PDE4A: variants seen among roughly 807,000 people sequenced by gnomAD.
PDE4A encodes phosphodiesterase 4A, also known as 3',5'-cyclic-AMP phosphodiesterase 4A.
In PDE4A, 21 loss-of-function variants were observed where a neutral mutation model predicts 73.9. That is an observed-to-expected ratio of 0.28 (90% CI 0.20 to 0.41). The LOEUF is 0.41. PDE4A is among the 10% of genes least tolerant of loss of function. PDE4A has a pLI of 1.00. For synonymous variants in PDE4A, 463 were observed against 505.4 expected, an observed-to-expected ratio of 0.92 and a Z score of 1.13; for missense variants, 958 against 1,211.4, an observed-to-expected ratio of 0.79 and a Z score of 3.10.
At chr19:10,428,375 AGAGAGAGAGAGAGAGAGATATT>A (rs1208085477) in intron 1 of PDE4A, among the ~76,000 whole-genome samples, 6 of 151,116 alleles carry the variant, frequency 4.0e-5, no homozygotes, top group Non-Finnish European at 8.8e-5. Context: ...AGAGAGAGAG[AGAGAGAGAGAGAGAGAGATATT>A]GAGAGAGAGA....
intron 1 of PDE4A, among the ~76,000 whole-genome samples, chr19:10,423,847 G>C (rs2042681571): frequency 6.6e-6 from 1 of 152,256 alleles, no homozygotes; most frequent in South Asian, 2.1e-4. Flanking sequence ...TCTGTGCTGA[G>C]GTCCAAAGCT....
At chr19:10,462,569 G>A (rs1397552448) in intron 13 of PDE4A, among the ~76,000 whole-genome samples, 1 of 152,176 alleles carries the variant, frequency 6.6e-6, no homozygotes, top group Admixed American at 6.5e-5. Flanking sequence ...TTATCCTCCT[G>A]TCTTGGCCTG....
intron 1 of PDE4A, among the ~76,000 whole-genome samples, chr19:10,442,847 ATAT>A (rs1282435124): frequency 1.3e-5 from 2 of 149,082 alleles, no homozygotes; most frequent in Admixed American, 6.7e-5. Context: ...ATATATAGTA[ATAT>A]TATATACATG....
chr19:10,428,649 G>A (rs1026730762), intron 1 of PDE4A: 1 of 341,464 alleles, frequency 2.9e-6, no homozygotes, highest in Non-Finnish European at 4.1e-6. Context: ...TCCATGGGGT[G>A]AGTGGTAGTA....
intron 1 of PDE4A, chr19:10,428,728 G>A (rs967617782): frequency 1.7e-5 from 16 of 969,116 alleles, no homozygotes; most frequent in Non-Finnish European, 2.0e-5. Flanking sequence ...AGATCAAATG[G>A]CTAAGAAGTG....
At chr19:10,440,346 G>C (rs1326091037) in intron 1 of PDE4A, among the ~76,000 whole-genome samples, 1 of 151,848 alleles carries the variant, frequency 6.6e-6, no homozygotes, top group African/African-American at 2.4e-5. Context: ...TTTTTCATAT[G>C]TTTATTGGCT....
chr19:10,418,812 T>C, upstream of PDE4A: 1 of 985,246 alleles, frequency 1.0e-6, no homozygotes, highest in Non-Finnish European at 1.2e-6. Flanking sequence ...CGCCAAGAAT[T>C]TGGCCCAGCC....
At position 10,450,899 on chromosome 19, in the gene PDE4A, C is replaced by T. The variant is rs202117812; in HGVS notation, c.741C>T (p.Thr247=). 2,996 of 1,610,780 alleles carry T rather than the reference C, an allele frequency of 1.9e-3. 3 individuals carry two copies. The highest frequency in any genetic ancestry group is 2.3e-3 in the Non-Finnish European group (2,706 of 1,178,610). Residue 247 remains threonine, a synonymous_variant, in exon 6 of 15, where the codon ACC becomes ACT. Coordinates refer to ENST00000380702, the MANE Select transcript of PDE4A (RefSeq NM_001111307.2). ...ELDWCLEQLE[T]MQTYRSVSEM... ...ACTGGTGTCTGGAGCAGCTGGAGAC[C>T]ATGCAGACCTATCGCTCTGTCAGCG...
At position 10,467,233 on chromosome 19, in the gene PDE4A, A is replaced by G; in HGVS notation, c.2273A>G (p.Gln758Arg). 3 of 1,614,194 alleles carry G rather than the reference A, an allele frequency of 1.9e-6. No individual in the cohort carries two copies. The highest frequency in any genetic ancestry group is 2.5e-6 in the Non-Finnish European group (3 of 1,180,032). The part of the protein sequence containing the change: ...ATIAWEASPA[Q>R]ESLEVMAQEA... ...ATAGCCTGGGAGGCATCCCCGGCCCAGGAGTCGTTGGAAGTTATGGCACAG... is the reference window on the plus strand; with the variant it reads ...ATAGCCTGGGAGGCATCCCCGGCCCGGGAGTCGTTGGAAGTTATGGCACAG... Residue 758 changes from glutamine (Q) to arginine (R), a missense_variant, in exon 15 of 15, where the codon CAG becomes CGG. Physicochemically the swap from Gln to Arg is conservative, Grantham distance 43. Transcript: ENST00000380702.
In PDE4A at chr19:10,461,904, A is replaced by T; in HGVS notation, c.1648A>T (p.Met550Leu). Residue 550 changes from methionine to leucine, a missense_variant, in exon 13 of 15, where the codon ATG becomes TTG. Met to Leu is a conservative substitution (Grantham distance 15). Around this residue, in one of 3 missense-constraint regions of PDE4A, gnomAD observed 570 missense variants for 827.7 expected, o/e 0.69. Transcript: ENST00000380702. ...MVLATDMSKH[M>L]TLLADLKTMV... ...GCTGGCCACGGACATGTCCAAGCACATGACCCTCCTGGCTGACCTGAAGAC... is the reference window on the plus strand; with the variant it reads ...GCTGGCCACGGACATGTCCAAGCACTTGACCCTCCTGGCTGACCTGAAGAC... 1 of 1,614,020 alleles carries T rather than the reference A, an allele frequency of 6.2e-7. No homozygotes were observed. Among genetic ancestry groups the T allele is most frequent in the Non-Finnish European group, 8.5e-7 (1 of 1,179,994 alleles).
At position 10,420,921 on chromosome 19, in the gene PDE4A, G is replaced by C. The variant is rs976073679; in HGVS notation, c.157G>C (p.Glu53Gln). Reference sequence around the variant, plus strand: ...GCAGCGCGGCTACTCCGACAGCGCGGAGCGCGCCGAGCGGGAGCGGCAGCC... The same window carrying C: ...GCAGCGCGGCTACTCCGACAGCGCGCAGCGCGCCGAGCGGGAGCGGCAGCC... ...IQQRGYSDSA[E>Q]RAERERQPHR... The change falls in exon 1 of 15, where the codon GAG becomes CAG. Residue 53 changes from glutamate (E) to glutamine (Q), a missense_variant. Physicochemically the swap from Glu to Gln is conservative, Grantham distance 29 (BLOSUM62 2). Around this residue, in one of 3 missense-constraint regions of PDE4A, gnomAD observed 145 missense variants for 137.8 expected, o/e 1.05. Coordinates refer to ENST00000380702, the MANE Select transcript of PDE4A (RefSeq NM_001111307.2). The surrounding 1 kb of genome is among the most constrained non-coding windows in gnomAD (Gnocchi z 6.0). The C allele has an allele frequency of 1.3e-6, 2 of 1,579,688 alleles. No individual in the cohort carries two copies. Among genetic ancestry groups the C allele is most frequent in the African/African-American group, 1.4e-5 (1 of 73,424 alleles).
chr19:10,423,157 C>CTTTTTTTTT (rs61513692), intron 1 of PDE4A: 3 of 756,036 alleles, frequency 4.0e-6, no homozygotes, highest in Non-Finnish European at 3.1e-6. Context: ...AACCCTTTCT[C>CTTTTTTTTT]TTTTTTTTTT....
chr19:10,439,982 CTT>C (rs1162121051), intron 1 of PDE4A, among the ~76,000 whole-genome samples: 167 of 114,010 alleles, frequency 1.5e-3, no homozygotes, highest in African/African-American at 5.8e-3. Context: ...ATGGTATCTC[CTT>C]TTTTTTTTTT....
rs929727924 is a variant in PDE4A, at chr19:10,424,206, A to G, written c.320+3122A>G. 1.3e-5 allele frequency among the ~76,000 whole-genome samples: 2 copies of G among 152,188 alleles called. No homozygotes were observed. Among genetic ancestry groups the G allele is most frequent in the Non-Finnish European group, 2.9e-5 (2 of 68,028 alleles). On this transcript the variant is annotated intron_variant, in intron 1 of 14. Coordinates refer to ENST00000380702, the MANE Select transcript of PDE4A (RefSeq NM_001111307.2). This position sits in a 1 kb window ranked among gnomAD's most constrained non-coding sequence, Gnocchi z 4.8. ...CCACGATCTGTCAAGAGGCAGATGG[A>G]GAGGGAGGAAGAGGAGGACTTTGGT...
intron 14 of PDE4A, 115 bp downstream of exon 14, chr19:10,464,090 C>A: frequency 3.6e-6 from 5 of 1,380,806 alleles, no homozygotes; most frequent in Non-Finnish European, 5.0e-6. Flanking sequence ...GCCAAGTTGT[C>A]CTGTTTTTGG....
intron 1 of PDE4A, among the ~76,000 whole-genome samples, chr19:10,437,497 G>A (rs1298708278): frequency 6.6e-6 from 1 of 151,808 alleles, no homozygotes; most frequent in Non-Finnish European, 1.5e-5. Context: ...ACAGCTCACT[G>A]CAGCCTCCAA....
intron 1 of PDE4A, 119 bp downstream of exon 1, chr19:10,421,203 C>A: frequency 7.5e-7 from 1 of 1,331,752 alleles, no homozygotes; most frequent in African/African-American, 1.5e-5. Flanking sequence ...CTGGCGGGGG[C>A]GGAGGGAATT....
intron 1 of PDE4A, among the ~76,000 whole-genome samples, chr19:10,422,751 A>G (rs1599396826): frequency 6.6e-6 from 1 of 152,140 alleles, no homozygotes; most frequent in East Asian, 1.9e-4. Context: ...GGCCCAGCAT[A>G]CATGGGCTGA....
intron 1 of PDE4A, chr19:10,432,304 G>T: frequency 1.7e-6 from 2 of 1,211,172 alleles, no homozygotes; most frequent in Non-Finnish European, 2.1e-6. Context: ...GCTGTCCCTG[G>T]GGGGGTCACC....
Sources: allele counts gnomAD v4.1 joint callset (sites outside exome capture counted in the v4.1 genomes callset), GRCh38; gene constraint gnomAD v4.1.1; regional missense constraint gnomAD v4.1.1; non-coding constraint Gnocchi (gnomAD v3.1); transcripts MANE v1.5; gene names NCBI Gene and HGNC (gene_info 2026-07-23, HGNC 2026-07-21).